GABRG3: variants seen among roughly 807,000 people sequenced by gnomAD.
The protein encoded by GABRG3 is gamma-aminobutyric acid receptor subunit gamma-3.
GABRG3 carries 25 observed loss-of-function variants against 48.8 expected under a neutral mutation model. The observed-to-expected ratio is 0.51, with a 90% CI of 0.37 to 0.72. GABRG3 has a LOEUF of 0.72. Ranked by LOEUF, GABRG3 falls within the 30% of genes least tolerant of loss-of-function variation. The probability of loss-of-function intolerance (pLI) is 0.00; values close to 1 mark genes in which losing one functional copy is unlikely to be tolerated. For synonymous variants in GABRG3, 227 were observed against 217.6 expected (o/e 1.04, Z -0.38); for missense variants, 394 against 577.9 (o/e 0.68, Z 3.26).
intron 3 of GABRG3, among the ~76,000 whole-genome samples, chr15:27,289,044 A>T (rs1454888658): frequency 6.6e-6 from 1 of 152,140 alleles, no homozygotes; most frequent in Admixed American, 6.6e-5. Flanking sequence ...CAGTGAAATC[A>T]TTACTCCTCT....
At position 27,081,520 on chromosome 15, in the gene GABRG3, A is replaced by G. The variant is rs183637077; in HGVS notation, c.270+54699A>G. On this transcript the variant is annotated intron_variant, in intron 3 of 9. Coordinates refer to ENST00000615808, the MANE Select transcript of GABRG3 (RefSeq NM_033223.5). Reference sequence around the variant, plus strand: ...CATTCATTGATTGAAAAATATGTTCATTGTTTGAGGAGTTCTTGGCCACAC... The same window carrying G: ...CATTCATTGATTGAAAAATATGTTCGTTGTTTGAGGAGTTCTTGGCCACAC... Among the ~76,000 whole-genome samples, 698 of 152,120 alleles carry G rather than the reference A, an allele frequency of 4.6e-3. 5 individuals carry two copies. The highest frequency in any genetic ancestry group is 7.9e-3 in the Non-Finnish European group (536 of 67,998).
chr15:26,992,869 T>G lies in GABRG3; in HGVS notation c.202+15719T>G, dbSNP rs537565474. Among the ~76,000 whole-genome samples, 132 of 152,248 alleles carry G rather than the reference T, an allele frequency of 8.7e-4. 1 individual carries two copies. The highest frequency in any genetic ancestry group is 3.9e-3 in the South Asian group (19 of 4,826). On this transcript the variant is annotated intron_variant, in intron 2 of 9. Coordinates refer to ENST00000615808, the MANE Select transcript of GABRG3 (RefSeq NM_033223.5). ...TTTTATTTACTGGGGAAATTTTTAT[T>G]ATGGCTTTGATCTTATTACTTTTTA...
At position 27,247,326 on chromosome 15, in the gene GABRG3, C is replaced by G. The variant is rs559188671; in HGVS notation, c.271-79483C>G. Reference sequence around the variant, plus strand: ...CCTCGGGCTTAGTGCTCCTGCCACTCTCTTCCAGCCCCAGCTCTGCAAAGC... The same window carrying G: ...CCTCGGGCTTAGTGCTCCTGCCACTGTCTTCCAGCCCCAGCTCTGCAAAGC... On this transcript the variant is annotated intron_variant, in intron 3 of 9. Coordinates refer to ENST00000615808, the MANE Select transcript of GABRG3 (RefSeq NM_033223.5). 5.3e-5 allele frequency among the ~76,000 whole-genome samples: 8 copies of G among 152,262 alleles called. No homozygotes were observed. In the South Asian group the frequency reaches 1.0e-3, roughly 20 times the overall value.
chr15:27,511,959 C>A (rs1226047613), intron 6 of GABRG3, among the ~76,000 whole-genome samples: 1 of 152,148 alleles, frequency 6.6e-6, no homozygotes, highest in Non-Finnish European at 1.5e-5. Flanking sequence ...AGCAAGGGAG[C>A]AAGATCAAGT....
intron 3 of GABRG3, among the ~76,000 whole-genome samples, chr15:27,257,942 C>T (rs552198314): frequency 1.3e-5 from 2 of 152,210 alleles, no homozygotes; most frequent in South Asian, 4.1e-4. Context: ...GAGCCTTGTG[C>T]CCAGCGTGAG....
chr15:27,203,015 T>C (rs1888737576), intron 3 of GABRG3, among the ~76,000 whole-genome samples: 1 of 152,204 alleles, frequency 6.6e-6, no homozygotes, highest in African/African-American at 2.4e-5. Context: ...TTTTTACCAC[T>C]AAGTCTTTAA....
chr15:27,358,618 C>G (rs918973469), intron 5 of GABRG3, among the ~76,000 whole-genome samples: 5 of 151,998 alleles, frequency 3.3e-5, no homozygotes, highest in African/African-American at 4.8e-5. Context: ...CGGGTTCCAC[C>G]GAGATCCAAA....
chr15:27,279,564 G>A (rs1245004618), intron 3 of GABRG3, among the ~76,000 whole-genome samples: 1 of 152,168 alleles, frequency 6.6e-6, no homozygotes, highest in African/African-American at 2.4e-5. Flanking sequence ...CTGAAAGTCA[G>A]GTGGTTATCC....
rs1220910199 is a variant in GABRG3, at chr15:27,332,172, A to G, written c.574+3284A>G. Among the ~76,000 whole-genome samples, 6 of 152,164 alleles carry G rather than the reference A, an allele frequency of 3.9e-5. No homozygotes were observed. In the East Asian group the frequency reaches 9.6e-4, roughly 24 times the overall value. On this transcript the variant is annotated intron_variant, in intron 5 of 9. Transcript: ENST00000615808. ...TTGGTACCTAAGTTGTTTCCACATG[A>G]TGGGTGTCCATTTTCAGGAAGAGGC...
chr15:27,063,047 G>A (rs1036198812), intron 3 of GABRG3, among the ~76,000 whole-genome samples: 6 of 152,168 alleles, frequency 3.9e-5, no homozygotes, highest in South Asian at 2.1e-4. Flanking sequence ...AGCAGGTGAC[G>A]CGTGATGCGT....
intron 3 of GABRG3, among the ~76,000 whole-genome samples, chr15:27,267,175 T>A (rs1244140253): frequency 6.0e-5 from 9 of 149,736 alleles, no homozygotes; most frequent in African/African-American, 2.2e-4. Flanking sequence ...GGCGTGATCT[T>A]GGCCCGCTGC....
chr15:27,041,305 C>T (rs1896272756), intron 3 of GABRG3, among the ~76,000 whole-genome samples: 1 of 152,146 alleles, frequency 6.6e-6, no homozygotes, highest in Admixed American at 6.5e-5. Flanking sequence ...ACCTCAGCCT[C>T]CCAAGTAGCT....
chr15:27,099,651 T>C (rs1897322818), intron 3 of GABRG3, among the ~76,000 whole-genome samples: 1 of 152,020 alleles, frequency 6.6e-6, no homozygotes, highest in Admixed American at 6.6e-5. Flanking sequence ...GTATTCATGT[T>C]GTAATATCCA....
At chr15:27,146,306 A>T (rs1898208316) in intron 3 of GABRG3, among the ~76,000 whole-genome samples, 2 of 152,086 alleles carry the variant, frequency 1.3e-5, no homozygotes, top group Admixed American at 1.3e-4. Flanking sequence ...AAATACAAAA[A>T]GTTAGCCAGG....
intron 6 of GABRG3, among the ~76,000 whole-genome samples, chr15:27,519,727 T>C (rs1192966828): frequency 1.3e-5 from 2 of 152,202 alleles, no homozygotes; most frequent in Non-Finnish European, 2.9e-5. Flanking sequence ...GTGTTCTCAC[T>C]CTATCCGTGA....
intron 3 of GABRG3, among the ~76,000 whole-genome samples, chr15:27,102,676 C>T (rs1177264848): frequency 2.6e-5 from 4 of 152,108 alleles, no homozygotes; most frequent in Non-Finnish European, 4.4e-5. Context: ...TTCAGGAATA[C>T]GATGCTATGG....
chr15:27,152,945 C>T (rs1566948638), intron 3 of GABRG3, among the ~76,000 whole-genome samples: 1 of 151,336 alleles, frequency 6.6e-6, no homozygotes, highest in East Asian at 1.9e-4. Flanking sequence ...ACTGCAAGCT[C>T]CGCCTCCCGG....
At chr15:27,347,123 G>C (rs926273767) in intron 5 of GABRG3, among the ~76,000 whole-genome samples, 1 of 152,074 alleles carries the variant, frequency 6.6e-6, no homozygotes, top group African/African-American at 2.4e-5. Context: ...GTAGCTTTGG[G>C]TGCCAGAGGC....
intron 2 of GABRG3, among the ~76,000 whole-genome samples, chr15:26,984,029 C>G (rs1868699625): frequency 1.3e-5 from 2 of 152,150 alleles, no homozygotes; most frequent in Admixed American, 6.5e-5. Context: ...ACAGGAAGCC[C>G]TCCCTCATTT....
Sources: gnomAD v4.1 joint callset for allele counts (sites outside exome capture counted in the v4.1 genomes callset) on GRCh38, gnomAD v4.1.1 for gene constraint, MANE v1.5 for transcripts, NCBI Gene and HGNC (gene_info 2026-07-23, HGNC 2026-07-21) for gene names.